The following NUMB variants were observed in gnomAD, a reference collection of about 807,000 sequenced individuals.
The protein encoded by NUMB is NUMB endocytic adaptor protein.
A neutral mutation model predicts 59.7 loss-of-function variants in NUMB; 29 were observed. The ratio of observed to expected loss-of-function variants is 0.49; its 90% CI spans 0.36 to 0.66. The LOEUF (loss-of-function observed/expected upper bound fraction) is 0.66, where lower values mean the gene tolerates loss of function less well. Ranked by LOEUF, NUMB falls within the 30% of genes least tolerant of loss-of-function variation. The pLI is 0.00. For missense variants in NUMB, 723 were observed against 822.0 expected (o/e 0.88, Z 1.47); for synonymous variants, 288 against 288.2 (o/e 1.00, Z 0.01).
chr14:73,456,439 T>A (rs1239051469), intron 1 of NUMB, among the ~76,000 whole-genome samples: 1 of 152,216 alleles, frequency 6.6e-6, no homozygotes, highest in East Asian at 1.9e-4. Context: ...AAGAAATATA[T>A]TTTATCCTTT....
intron 4 of NUMB, among the ~76,000 whole-genome samples, chr14:73,351,517 ATAAG>A (rs1174174285): frequency 6.6e-6 from 1 of 151,914 alleles, no homozygotes; most frequent in Non-Finnish European, 1.5e-5. Context: ...ATTAAATTAA[ATAAG>A]TAAGATACTT....
rs1475862058 is a variant in NUMB at position 73,276,820 on chromosome 14, T to G, written c.1714A>C (p.Thr572Pro). 1 of 1,613,982 alleles carries G rather than the reference T, an allele frequency of 6.2e-7. No homozygotes were observed. The highest frequency in any genetic ancestry group is 1.3e-5 in the African/African-American group (1 of 74,914). Reference sequence around the variant, plus strand: ...GCAGGAGGCTTAAAGAAGGGACTGGTGGTAGCACTGCTTGCCTCGTAGTGA... The same window carrying G: ...GCAGGAGGCTTAAAGAAGGGACTGGGGGTAGCACTGCTTGCCTCGTAGTGA... ...FPHYEASSAT[T>P]SPFFKPPAQH... The change falls in exon 13 of 13, where the codon ACC (threonine) becomes CCC (proline). Residue 572 changes from threonine to proline, a missense_variant. Transcript: ENST00000555238.
chr14:73,447,769 G>T (rs1010289738), intron 1 of NUMB, among the ~76,000 whole-genome samples: 4 of 150,444 alleles, frequency 2.7e-5, no homozygotes, highest in Non-Finnish European at 3.0e-5. Flanking sequence ...GACATTTGCA[G>T]TTCATTTTCT....
intron 6 of NUMB, among the ~76,000 whole-genome samples, chr14:73,300,568 T>C (rs1358961368): frequency 6.6e-6 from 1 of 152,152 alleles, no homozygotes; most frequent in Non-Finnish European, 1.5e-5. Context: ...ACTCCTAGTA[T>C]GATCAAAGGC....
At chr14:73,438,472 A>G (rs976806223) in intron 1 of NUMB, among the ~76,000 whole-genome samples, 1 of 152,034 alleles carries the variant, frequency 6.6e-6, no homozygotes, top group Non-Finnish European at 1.5e-5. Flanking sequence ...CTCTACTAAA[A>G]ATACAAAAAT....
chr14:73,428,529 C>T (rs542291786), intron 1 of NUMB, among the ~76,000 whole-genome samples: 3 of 152,308 alleles, frequency 2.0e-5, no homozygotes, highest in Admixed American at 2.0e-4. Flanking sequence ...CACAGCGCCT[C>T]GTGTCTGTAA....
intron 1 of NUMB, among the ~76,000 whole-genome samples, chr14:73,443,496 G>C (rs1227221414): frequency 6.6e-6 from 1 of 151,644 alleles, no homozygotes; most frequent in Non-Finnish European, 1.5e-5. Flanking sequence ...TCAGGAGGCT[G>C]AGGCAGGAAA....
intron 1 of NUMB, among the ~76,000 whole-genome samples, chr14:73,432,819 G>A (rs1238221628): frequency 6.6e-6 from 1 of 152,090 alleles, no homozygotes; most frequent in Admixed American, 6.6e-5. Context: ...AAAAACTCTA[G>A]CCCTCTCCTG....
At chr14:73,396,319 G>GGGGT (rs945333046) in intron 2 of NUMB, among the ~76,000 whole-genome samples, 2 of 122,412 alleles carry the variant, frequency 1.6e-5, no homozygotes, top group Non-Finnish European at 3.2e-5. Context: ...TTAATTATTA[G>GGGGT]GGGTGTGTGT....
chr14:73,369,242 C>T (rs1894545144), intron 2 of NUMB, among the ~76,000 whole-genome samples: 2 of 152,176 alleles, frequency 1.3e-5, no homozygotes, highest in African/African-American at 4.8e-5. Flanking sequence ...AGGGTTTCAC[C>T]ATGTTGGCCA....
intron 2 of NUMB, among the ~76,000 whole-genome samples, chr14:73,368,331 C>CT (rs1894481562): frequency 6.6e-6 from 1 of 152,110 alleles, no homozygotes; most frequent in Non-Finnish European, 1.5e-5. Context: ...AATCCCAGCA[C>CT]TTTGGGAGGC....
chr14:73,450,028 C>T (rs981589910), intron 1 of NUMB, among the ~76,000 whole-genome samples: 7 of 152,154 alleles, frequency 4.6e-5, no homozygotes, highest in Non-Finnish European at 8.8e-5. Context: ...TCTGGTTTTC[C>T]TAGCTGCCAC....
chr14:73,385,938 C>T (rs1489772117), intron 2 of NUMB, among the ~76,000 whole-genome samples: 1 of 152,150 alleles, frequency 6.6e-6, no homozygotes, highest in Non-Finnish European at 1.5e-5. Flanking sequence ...CAAATAAGTA[C>T]TTTTATTTCA....
At chr14:73,301,154 A>G (rs1167462337) in intron 6 of NUMB, among the ~76,000 whole-genome samples, 1 of 152,212 alleles carries the variant, frequency 6.6e-6, no homozygotes, top group Non-Finnish European at 1.5e-5. Flanking sequence ...TGAAAGAAAA[A>G]ATACGCTAAA....
chr14:73,290,141 T>A (rs1889297069), intron 8 of NUMB, among the ~76,000 whole-genome samples: 1 of 152,226 alleles, frequency 6.6e-6, no homozygotes, highest in South Asian at 2.1e-4. Flanking sequence ...TTTAAGTTAT[T>A]ATCTGGAAAC....
At chr14:73,363,616 T>C (rs576802771) in intron 3 of NUMB, among the ~76,000 whole-genome samples, 3 of 152,132 alleles carry the variant, frequency 2.0e-5, no homozygotes, top group Non-Finnish European at 4.4e-5. Context: ...GAAATTAAAA[T>C]TATGGGCCAA....
chr14:73,458,316 C>G (rs1884575346), intron 1 of NUMB, 177 bp downstream of exon 1: 1 of 154,198 alleles, frequency 6.5e-6, no homozygotes, highest in South Asian at 1.7e-4. Context: ...CTCCCCCTAG[C>G]CCAGTCAGCG....
At chr14:73,410,138 AT>A (rs1369681023) in intron 1 of NUMB, 70 bp from the exon 2 acceptor site, 2 of 152,240 alleles carry the variant, frequency 1.3e-5, no homozygotes, top group Non-Finnish European at 2.9e-5. Flanking sequence ...TTTCACATCT[AT>A]AGTTGAGTAA....
At chr14:73,414,450 G>A (rs1897032239) in intron 1 of NUMB, among the ~76,000 whole-genome samples, 1 of 152,162 alleles carries the variant, frequency 6.6e-6, no homozygotes, top group African/African-American at 2.4e-5. Flanking sequence ...CTGGAATGCA[G>A]TGGTGTGATC....
Sources: allele counts gnomAD v4.1 joint callset (sites outside exome capture counted in the v4.1 genomes callset), GRCh38; gene constraint gnomAD v4.1.1; transcripts MANE v1.5; gene names NCBI Gene and HGNC (gene_info 2026-07-23, HGNC 2026-07-21).